Variants in PTPRG observed in about 807,000 individuals in gnomAD.
The protein encoded by PTPRG is receptor-type tyrosine-protein phosphatase gamma.
PTPRG carries 102 observed loss-of-function variants against 165.3 expected under a neutral mutation model. That is an observed-to-expected ratio of 0.62 (90% confidence interval 0.53 to 0.73). PTPRG has a LOEUF of 0.73. Ranked by LOEUF, PTPRG falls within the 30% of genes least tolerant of loss-of-function variation. PTPRG has a pLI of 0.00. For synonymous variants in PTPRG, 675 were observed against 669.5 expected (o/e 1.01, Z -0.13); for missense variants, 1,866 against 1,861.4 (o/e 1.00, Z -0.05).
Position 61,602,221 on chromosome 3 carries a change from G to C in PTPRG, c.85+39849G>C, listed in dbSNP as rs574556408. Among the ~76,000 whole-genome samples, 15 of 152,068 alleles carry C rather than the reference G, an allele frequency of 9.9e-5. 1 individual carries two copies. In the South Asian group the frequency reaches 2.1e-3, roughly 21 times the overall value. On this transcript the variant is annotated intron_variant, in intron 1 of 29. Transcript: ENST00000474889. ...TTGGCTGGCTGTCTTAGTCAATAGG[G>C]TTGAGACTGTACCTGTCTTGCTCAC...
At chr3:61,990,744 T>C (rs2040864956) in intron 3 of PTPRG, among the ~76,000 whole-genome samples, 2 of 152,168 alleles carry the variant, frequency 1.3e-5, no homozygotes, top group African/African-American at 4.8e-5. Flanking sequence ...TCTCTTTCTC[T>C]TCTTAAAGTG....
At chr3:62,003,998 A>C (rs1169833244) in intron 4 of PTPRG, among the ~76,000 whole-genome samples, 1 of 152,092 alleles carries the variant, frequency 6.6e-6, no homozygotes, top group East Asian at 1.9e-4. Context: ...ATTGATGGTG[A>C]CATTTTGCTT....
chr3:62,255,552 T>G lies in PTPRG; in HGVS notation c.2559+337T>G, dbSNP rs543219956. ...TAACACAAGGCTCCCTAATTCCATG[T>G]CTTTTCTGCAATGCACATGGTATAG... On this transcript the variant is annotated intron_variant, in intron 16 of 29. Transcript: ENST00000474889. This position sits in a 1 kb window ranked among gnomAD's most constrained non-coding sequence, Gnocchi z 4.0. Among the ~76,000 whole-genome samples the G allele has an allele frequency of 6.6e-6, 1 of 152,140 alleles. No individual in the cohort carries two copies. Among genetic ancestry groups the G allele is most frequent in the Admixed American group, 6.6e-5 (1 of 15,266 alleles).
chr3:61,564,793 A>G (rs1699866239), intron 1 of PTPRG, among the ~76,000 whole-genome samples: 1 of 151,940 alleles, frequency 6.6e-6, no homozygotes, highest in East Asian at 1.9e-4. Context: ...TCCACGCCTC[A>G]GGGATGGGGC....
intron 1 of PTPRG, among the ~76,000 whole-genome samples, chr3:61,618,536 T>A (rs1331342851): frequency 1.3e-5 from 2 of 152,214 alleles, no homozygotes; most frequent in Non-Finnish European, 2.9e-5. Context: ...TCTTTAACTG[T>A]TAAATAAAAA....
intron 2 of PTPRG, among the ~76,000 whole-genome samples, chr3:61,905,543 T>C (rs995253328): frequency 6.6e-6 from 1 of 152,242 alleles, no homozygotes; most frequent in Non-Finnish European, 1.5e-5. Flanking sequence ...CATACTTGCT[T>C]GTTCATCCAT....
rs115228256 is a variant in PTPRG, at chr3:61,807,444, G to A, written c.190+58462G>A. The stretch of plus-strand genomic sequence containing the variant: ...TTAGTTTTGACCCTGAGAGCTGTGC[G>A]TTGTTCTTTTACTCCCTCTTGATTC... On this transcript the variant is annotated intron_variant, in intron 2 of 29. Coordinates refer to ENST00000474889, the MANE Select transcript of PTPRG (RefSeq NM_002841.4). 6.8e-3 allele frequency among the ~76,000 whole-genome samples: 1,042 copies of A among 152,322 alleles called. 13 individuals are homozygous for A. The highest frequency in any genetic ancestry group is 0.023 in the African/African-American group (968 of 41,576).
At chr3:61,580,620 C>A (rs903579167) in intron 1 of PTPRG, among the ~76,000 whole-genome samples, 15 of 152,120 alleles carry the variant, frequency 9.9e-5, no homozygotes, top group Admixed American at 2.6e-4. Flanking sequence ...TAGGCGTGAG[C>A]CAATGCGCCC....
chr3:61,563,717 G>T (rs1355743034), intron 1 of PTPRG, among the ~76,000 whole-genome samples: 2 of 152,184 alleles, frequency 1.3e-5, no homozygotes, highest in African/African-American at 4.8e-5. Flanking sequence ...GCCTGTCCTC[G>T]GGCGGCTGGA....
At chr3:62,175,464 AAAAG>A (rs1437277897) in intron 8 of PTPRG, among the ~76,000 whole-genome samples, 4 of 152,212 alleles carry the variant, frequency 2.6e-5, no homozygotes, top group Admixed American at 2.6e-4. Context: ...AAAGAAAAGA[AAAAG>A]AAAGTCTGGG....
intron 1 of PTPRG, among the ~76,000 whole-genome samples, chr3:61,738,312 A>ATGTGTG (rs1559583407): frequency 6.7e-5 from 4 of 59,398 alleles, no homozygotes; most frequent in Non-Finnish European, 1.3e-4. Flanking sequence ...ATATATATAT[A>ATGTGTG]CATATATATA....
chr3:62,186,860 C>T (rs1699665253), intron 8 of PTPRG, among the ~76,000 whole-genome samples: 1 of 152,106 alleles, frequency 6.6e-6, no homozygotes, highest in Non-Finnish European at 1.5e-5. Context: ...AGCCACCACG[C>T]CTGTCCTTGA....
chr3:61,562,081 T>G lies in PTPRG; in HGVS notation c.-207T>G. 1.7e-6 allele frequency: 1 copy of G among 577,528 alleles called. No homozygotes were observed. The highest frequency in any genetic ancestry group is 3.1e-6 in the Non-Finnish European group (1 of 324,604). The allele number at this position is 577,528 out of a possible 1,614,324, so 35.8% of individuals were successfully genotyped here. ...GAGAGGATCGTCCCCAGCGTGGCTC[T>G]GCGTTCCCGGTCACTTTTTGAGATT... is the stretch of plus-strand genomic sequence containing the variant. On this transcript the variant is annotated 5_prime_UTR_variant, in exon 1 of 30. Coordinates refer to ENST00000474889, the MANE Select transcript of PTPRG (RefSeq NM_002841.4).
chr3:62,244,921 G>C (rs1030269351), intron 15 of PTPRG, among the ~76,000 whole-genome samples: 3 of 152,094 alleles, frequency 2.0e-5, no homozygotes, highest in African/African-American at 7.2e-5. Flanking sequence ...TCATTCTTTG[G>C]GTACCATGGA....
chr3:61,864,427 A>G lies in PTPRG; in HGVS notation c.190+115445A>G, dbSNP rs570169954. On this transcript the variant is annotated intron_variant, in intron 2 of 29. Coordinates refer to ENST00000474889, the MANE Select transcript of PTPRG (RefSeq NM_002841.4). ...TCTCCTTGTGTCCCGATCGCTGAGTATGGAGAATCCCGGGCTTCTAATTCT... is the reference window on the plus strand; with the variant it reads ...TCTCCTTGTGTCCCGATCGCTGAGTGTGGAGAATCCCGGGCTTCTAATTCT... Among the ~76,000 whole-genome samples, 204 of 152,154 alleles carry G rather than the reference A, an allele frequency of 1.3e-3. 2 individuals carry two copies. The highest frequency in any genetic ancestry group is 2.1e-3 in the African/African-American group (85 of 41,460).
At chr3:61,962,874 T>C (rs1433053615) in intron 2 of PTPRG, among the ~76,000 whole-genome samples, 3 of 152,172 alleles carry the variant, frequency 2.0e-5, no homozygotes, top group African/African-American at 7.2e-5. Context: ...TATGTTTATT[T>C]TTTTGTTTGT....
intron 2 of PTPRG, among the ~76,000 whole-genome samples, chr3:61,855,116 T>A (rs1293037145): frequency 6.6e-6 from 1 of 152,174 alleles, no homozygotes; most frequent in Non-Finnish European, 1.5e-5. Flanking sequence ...CCTTGCCTGT[T>A]TTGTTCCCAG....
rs1466527868 is a variant in PTPRG at position 62,255,195 on chromosome 3, G to C, written c.2539G>C (p.Gly847Arg). The C allele has an allele frequency of 6.2e-7, 1 of 1,612,366 alleles. No individual in the cohort carries two copies. The highest frequency in any genetic ancestry group is 1.3e-5 in the African/African-American group (1 of 74,910). Reference protein sequence around the residue: ...IGELYSNNQHGFSEDFEEVQR... With the variant: ...IGELYSNNQHRFSEDFEEVQR... ...TGAGCTCTATTCTAATAACCAGCAT[G>C]GGTTCTCTGAGGATTTTGAGGTATG... Residue 847 changes from glycine to arginine, a missense_variant, in exon 16 of 30, where the codon GGG becomes CGG. By Grantham distance (125) the Gly-to-Arg change is moderately radical. This residue lies in a region of PTPRG where 1,452 missense variants were observed against 1,463.0 expected (regional missense o/e 0.99). Coordinates refer to ENST00000474889, the MANE Select transcript of PTPRG (RefSeq NM_002841.4). The surrounding 1 kb of genome is among the most constrained non-coding windows in gnomAD (Gnocchi z 4.0).
chr3:62,113,953 GAT>G (rs1247794305), intron 5 of PTPRG, among the ~76,000 whole-genome samples: 3 of 152,144 alleles, frequency 2.0e-5, no homozygotes, highest in Non-Finnish European at 4.4e-5. Flanking sequence ...ATGTTGTATT[GAT>G]ATGTTTATGC....
Sources: allele counts gnomAD v4.1 joint callset (sites outside exome capture counted in the v4.1 genomes callset), GRCh38; gene constraint gnomAD v4.1.1; regional missense constraint gnomAD v4.1.1; non-coding constraint Gnocchi (gnomAD v3.1); transcripts MANE v1.5; gene names NCBI Gene and HGNC (gene_info 2026-07-23, HGNC 2026-07-21).